ARL13B: variants seen among roughly 807,000 people sequenced by gnomAD.
ARL13B encodes ARF like GTPase 13B, also known as ADP-ribosylation factor-like protein 13B.
Under a neutral mutation model 56.1 loss-of-function variants are expected in ARL13B, and 36 were observed. The ratio of observed to expected loss-of-function variants is 0.64; its 90% CI spans 0.49 to 0.85. The LOEUF is 0.85. ARL13B is among the 40% of genes least tolerant of loss of function. The pLI, the probability that ARL13B is intolerant of heterozygous loss-of-function variation, is 0.00. For missense variants in ARL13B, 519 were observed against 507.1 expected (o/e 1.02, Z -0.23); for synonymous variants, 178 against 171.1 (o/e 1.04, Z -0.32).
chr3:94,006,297 AAAAT>A (rs1299656635), intron 3 of ARL13B, among the ~76,000 whole-genome samples: 2 of 152,190 alleles, frequency 1.3e-5, no homozygotes, highest in East Asian at 1.9e-4. Flanking sequence ...CTCTGTTTCA[AAAAT>A]AAATAAATAA....
chr3:94,014,760 A>T (rs2076292760), intron 3 of ARL13B: 1 of 1,613,466 alleles, frequency 6.2e-7, no homozygotes, highest in Non-Finnish European at 8.5e-7. Flanking sequence ...CAGCAACTTC[A>T]AGCTGACGTA....
chr3:94,018,064 T>A (rs1431801678), intron 3 of ARL13B, among the ~76,000 whole-genome samples: 3 of 152,300 alleles, frequency 2.0e-5, no homozygotes, highest in Admixed American at 1.3e-4. Flanking sequence ...ATATGTAATT[T>A]AAAAAAATTT....
At chr3:94,041,336 A>G (rs2076858729) in intron 6 of ARL13B, among the ~76,000 whole-genome samples, 1 of 152,186 alleles carries the variant, frequency 6.6e-6, no homozygotes, top group South Asian at 2.1e-4. Context: ...AAATAATAGA[A>G]CAACTTAATA....
chr3:94,043,293 T>A, intron 7 of ARL13B, 53 bp downstream of exon 7: 1 of 1,424,816 alleles, frequency 7.0e-7, no homozygotes, highest in African/African-American at 1.4e-5. Flanking sequence ...TAAATAAAAC[T>A]TATACTTCAT....
intron 1 of ARL13B, among the ~76,000 whole-genome samples, chr3:93,981,968 T>A (rs1015487681): frequency 5.9e-5 from 9 of 151,996 alleles, no homozygotes; most frequent in African/African-American, 2.2e-4. Flanking sequence ...AATTTCACAG[T>A]ATCTACTAAG....
At chr3:93,984,246 C>G (rs755239481) in intron 1 of ARL13B, among the ~76,000 whole-genome samples, 1 of 151,884 alleles carries the variant, frequency 6.6e-6, no homozygotes, top group Non-Finnish European at 1.5e-5. Flanking sequence ...ATACCAGCTA[C>G]TTGGGAGGCT....
At chr3:93,987,229 A>G (rs1710516028) in intron 1 of ARL13B, among the ~76,000 whole-genome samples, 3 of 151,876 alleles carry the variant, frequency 2.0e-5, no homozygotes, top group Non-Finnish European at 4.4e-5. Flanking sequence ...CTGGGCTCAA[A>G]CAGTCCTCCT....
intron 3 of ARL13B, among the ~76,000 whole-genome samples, chr3:94,032,769 T>G (rs985073454): frequency 1.3e-5 from 2 of 152,226 alleles, no homozygotes; most frequent in African/African-American, 4.8e-5. Context: ...GTGCTGGGAT[T>G]ACAGGCGTAA....
In ARL13B at chr3:94,050,823, GT is replaced by G; in HGVS notation, c.1143del (p.Gly382AlafsTer45). 6.2e-7 allele frequency: 1 copy of G among 1,611,660 alleles called. No homozygotes were observed. The highest frequency in any genetic ancestry group is 8.5e-7 in the Non-Finnish European group (1 of 1,179,566). On this transcript the variant is annotated frameshift_variant and splice_region_variant, in exon 9 of 10. Transcript: ENST00000394222. LOFTEE classifies it high-confidence loss of function. ...TTTTAAATGTTTTTCTTTTTCTTTA[GT>G]TGGCTGGGGAACCCCTAAAGTCACT... ...SPTPPPPPPP[V>X]GWGTPKVTRL...
chr3:94,042,129 A>G (rs2076874332), intron 6 of ARL13B, among the ~76,000 whole-genome samples: 1 of 152,200 alleles, frequency 6.6e-6, no homozygotes, highest in Non-Finnish European at 1.5e-5. Context: ...TTAAACTCAA[A>G]TGAAAATAAC....
chr3:94,016,398 A>G (rs913922421), intron 3 of ARL13B, among the ~76,000 whole-genome samples: 10 of 152,312 alleles, frequency 6.6e-5, no homozygotes, highest in Admixed American at 4.6e-4. Context: ...CATAGGAGGC[A>G]TACTTAACAA....
chr3:94,013,711 C>G (rs1264278367), intron 3 of ARL13B, among the ~76,000 whole-genome samples: 2 of 152,080 alleles, frequency 1.3e-5, no homozygotes, highest in Non-Finnish European at 2.9e-5. Flanking sequence ...TTTGGGAGGC[C>G]CAGGGGGGCG....
In ARL13B at chr3:94,043,092, A is replaced by C. The variant is rs768342448; in HGVS notation, c.876A>C (p.Lys292Asn). The change falls in exon 7 of 10, where the codon AAA (lysine) becomes AAC (asparagine). Residue 292 changes from lysine (K) to asparagine (N), a missense_variant. Physicochemically the swap from Lys to Asn is moderately conservative, Grantham distance 94. Coordinates refer to ENST00000394222, the MANE Select transcript of ARL13B (RefSeq NM_001174150.2). The stretch of plus-strand genomic sequence containing the variant: ...GTGATGGCTGCCACCTGAAACATAA[A>C]ATGGAGCATGAGCAAATAGAGACAC... ...KDSDGCHLKHKMEHEQIETQG... is the reference protein window; with the variant it reads ...KDSDGCHLKHNMEHEQIETQG... 8 of 1,613,590 alleles carry C rather than the reference A, an allele frequency of 5.0e-6. No individual in the cohort carries two copies. In the East Asian group the frequency reaches 1.8e-4, roughly 36 times the overall value.
intron 3 of ARL13B, among the ~76,000 whole-genome samples, chr3:94,009,341 C>G (rs760142335): frequency 5.3e-5 from 8 of 150,546 alleles, no homozygotes; most frequent in Non-Finnish European, 7.4e-5. Context: ...TTGTTTGTTT[C>G]CAACCTTTAT....
At chr3:93,987,346 A>G (rs1364708189) in intron 1 of ARL13B, among the ~76,000 whole-genome samples, 4 of 152,120 alleles carry the variant, frequency 2.6e-5, no homozygotes, top group Admixed American at 2.0e-4. Context: ...GAATTCTGAG[A>G]TAAGATATTC....
chr3:94,033,356 G>A (rs1054438531), intron 3 of ARL13B, among the ~76,000 whole-genome samples: 2 of 151,802 alleles, frequency 1.3e-5, no homozygotes, highest in African/African-American at 4.8e-5. Context: ...TCACAAAACT[G>A]CACTCATAAT....
At chr3:94,010,711 C>T (rs1294889932) in intron 3 of ARL13B, among the ~76,000 whole-genome samples, 1 of 151,908 alleles carries the variant, frequency 6.6e-6, no homozygotes, top group Non-Finnish European at 1.5e-5. Flanking sequence ...ACAATGAAAA[C>T]GGTTTCTGAT....
At position 94,050,856 on chromosome 3, in the gene ARL13B, C is replaced by G; in HGVS notation, c.1174C>G (p.Pro392Ala). The G allele has an allele frequency of 6.2e-7, 1 of 1,612,972 alleles. No homozygotes were observed. The highest frequency in any genetic ancestry group is 1.1e-5 in the South Asian group (1 of 91,068). The part of the protein sequence containing the change: ...GWGTPKVTRL[P>A]KLEPLGETHH... Reference sequence around the variant, plus strand: ...GGGAACCCCTAAAGTCACTAGACTTCCAAAACTTGAGCCTCTTGGTGAAAC... The same window carrying G: ...GGGAACCCCTAAAGTCACTAGACTTGCAAAACTTGAGCCTCTTGGTGAAAC... The change falls in exon 9 of 10, where the codon CCA becomes GCA. Residue 392 changes from proline (P) to alanine (A), a missense_variant. Coordinates refer to ENST00000394222, the MANE Select transcript of ARL13B (RefSeq NM_001174150.2).
At chr3:94,001,611 C>A (rs1355428591) in intron 2 of ARL13B, among the ~76,000 whole-genome samples, 1 of 152,134 alleles carries the variant, frequency 6.6e-6, no homozygotes, top group Non-Finnish European at 1.5e-5. Context: ...CATACAAATT[C>A]TGTGTTATTC....
Sources: gnomAD v4.1 joint callset for allele counts (sites outside exome capture counted in the v4.1 genomes callset) on GRCh38, gnomAD v4.1.1 for gene constraint, MANE v1.5 for transcripts, NCBI Gene and HGNC (gene_info 2026-07-23, HGNC 2026-07-21) for gene names.